DPF3: variants seen among roughly 807,000 people sequenced by gnomAD.
DPF3 encodes the protein double PHD fingers 3.
A neutral mutation model predicts 56.8 loss-of-function variants in DPF3; 18 were observed. The observed-to-expected ratio is 0.32, with a 90% CI of 0.22 to 0.47. The LOEUF is 0.47. DPF3 is among the 20% of genes least tolerant of loss of function. The pLI is 1.00. For synonymous variants in DPF3, 188 were observed against 180.2 expected (o/e 1.04, Z -0.35); for missense variants, 403 against 488.8 (o/e 0.82, Z 1.65).
chr14:72,844,529 G>C (rs1884673826), intron 1 of DPF3, among the ~76,000 whole-genome samples: 1 of 152,094 alleles, frequency 6.6e-6, no homozygotes, highest in South Asian at 2.1e-4. Flanking sequence ...CAGGTGTTCA[G>C]GTTATTAAAA....
Position 72,623,723 on chromosome 14 carries a change from T to A in DPF3, c.985-3739A>T, listed in dbSNP as rs567390793. Among the ~76,000 whole-genome samples, 12 of 152,328 alleles carry A rather than the reference T, an allele frequency of 7.9e-5. No individual in the cohort carries two copies. The East Asian group carries it at 2.3e-3, about 29-fold the overall frequency. On this transcript the variant is annotated intron_variant, in intron 9 of 10. Coordinates refer to ENST00000556509, the MANE Select transcript of DPF3 (RefSeq NM_001280542.3). ...CAGTATAAATTCATGGTGTAGTGTA[T>A]CTTTAAAACAAGCAAAAAATATTTT...
intron 8 of DPF3, among the ~76,000 whole-genome samples, chr14:72,673,566 G>C (rs1233370025): frequency 1.3e-5 from 2 of 152,180 alleles, no homozygotes; most frequent in Non-Finnish European, 2.9e-5. Flanking sequence ...TAAGAATGAA[G>C]GAACAAGACC....
At chr14:72,828,701 G>T (rs12050323) in intron 1 of DPF3, among the ~76,000 whole-genome samples, 6 of 152,148 alleles carry the variant, frequency 3.9e-5, no homozygotes, top group African/African-American at 1.2e-4. Context: ...AAAGACTGAA[G>T]AGGGAGGCTG....
chr14:72,620,372 T>A lies in DPF3; in HGVS notation c.985-388A>T, dbSNP rs539891997. 3.3e-5 allele frequency among the ~76,000 whole-genome samples: 5 copies of A among 152,326 alleles called. No homozygotes were observed. In the East Asian group the frequency reaches 7.7e-4, roughly 23 times the overall value. ...CTCCATGACTTTATATATTTGAAGA[T>A]CTTAATTGAATTCTTCTGGACTCCA... is the stretch of plus-strand genomic sequence containing the variant. On this transcript the variant is annotated intron_variant, in intron 9 of 10. Transcript: ENST00000556509.
chr14:72,697,059 TTATTAG>T (rs1470012686), intron 6 of DPF3, among the ~76,000 whole-genome samples: 48 of 29,522 alleles, frequency 1.6e-3, no homozygotes, highest in African/African-American at 7.9e-3. Context: ...CTTTGTTCAG[TTATTAG>T]CAGTTATTAG....
chr14:72,687,916 T>C (rs1887481423), intron 7 of DPF3, among the ~76,000 whole-genome samples: 1 of 151,876 alleles, frequency 6.6e-6, no homozygotes, highest in Non-Finnish European at 1.5e-5. Flanking sequence ...GGGATGCTAA[T>C]GCCACACTTG....
intron 1 of DPF3, among the ~76,000 whole-genome samples, chr14:72,797,647 C>T (rs1892696168): frequency 6.6e-6 from 1 of 152,160 alleles, no homozygotes; most frequent in East Asian, 1.9e-4. Flanking sequence ...TTGGCTGCTA[C>T]CTAATTTTAA....
intron 8 of DPF3, among the ~76,000 whole-genome samples, chr14:72,652,808 A>C (rs2153568669): frequency 6.6e-6 from 1 of 152,278 alleles, no homozygotes; most frequent in Non-Finnish European, 1.5e-5. Flanking sequence ...TAAATATTAC[A>C]ATCTGAAGGC....
chr14:72,886,304 G>A (rs773859911), intron 1 of DPF3, among the ~76,000 whole-genome samples: 28 of 152,122 alleles, frequency 1.8e-4, no homozygotes, highest in African/African-American at 3.1e-4. Flanking sequence ...CCTGGGAGGC[G>A]GAGGTTGCAG....
intron 1 of DPF3, among the ~76,000 whole-genome samples, chr14:72,809,865 G>A (rs1417355896): frequency 1.3e-5 from 2 of 152,192 alleles, no homozygotes; most frequent in Non-Finnish European, 2.9e-5. Context: ...GCAAGTGCTT[G>A]AGTCCCCTCA....
intron 1 of DPF3, among the ~76,000 whole-genome samples, chr14:72,888,677 C>T (rs1441249108): frequency 6.6e-6 from 1 of 152,202 alleles, no homozygotes; most frequent in African/African-American, 2.4e-5. Context: ...TATTTAAAGA[C>T]TATTTAAAAT....
chr14:72,772,902 A>C (rs1217953244), intron 1 of DPF3, among the ~76,000 whole-genome samples: 1 of 152,174 alleles, frequency 6.6e-6, no homozygotes, highest in Non-Finnish European at 1.5e-5. Context: ...GTGGACGCAA[A>C]GGAGTGGAGT....
intron 5 of DPF3, among the ~76,000 whole-genome samples, chr14:72,719,524 G>A (rs1474532330): frequency 1.3e-5 from 2 of 152,170 alleles, no homozygotes; most frequent in African/African-American, 4.8e-5. Flanking sequence ...CATAAAGTTT[G>A]AGAGGCACCT....
intron 3 of DPF3, among the ~76,000 whole-genome samples, chr14:72,742,241 T>A (rs546663116): frequency 6.6e-6 from 1 of 152,252 alleles, no homozygotes; most frequent in Admixed American, 6.5e-5. Flanking sequence ...AGGAAAGAGA[T>A]AAATGACTGG....
chr14:72,887,089 T>A (rs1375829877), intron 1 of DPF3, among the ~76,000 whole-genome samples: 3 of 150,648 alleles, frequency 2.0e-5, no homozygotes, highest in Non-Finnish European at 4.4e-5. Context: ...GCCAGAGAGA[T>A]CATGGACAAA....
chr14:72,702,860 C>T (rs966758835), intron 6 of DPF3, among the ~76,000 whole-genome samples: 1 of 152,122 alleles, frequency 6.6e-6, no homozygotes, highest in Non-Finnish European at 1.5e-5. Flanking sequence ...GTGGATCCAA[C>T]CCCCAGGTGG....
chr14:72,892,073 G>A, intron 1 of DPF3: 1 of 1,449,162 alleles, frequency 6.9e-7, no homozygotes, highest in Middle Eastern at 2.3e-4. Flanking sequence ...CACAAGCTTA[G>A]AGATACTGCG....
At chr14:72,621,345 C>T (rs1197974166) in intron 9 of DPF3, among the ~76,000 whole-genome samples, 1 of 152,120 alleles carries the variant, frequency 6.6e-6, no homozygotes, top group East Asian at 1.9e-4. Context: ...GGCCCCACCC[C>T]CTAGTTTCAG....
At chr14:72,774,561 G>C (rs961311308) in intron 1 of DPF3, among the ~76,000 whole-genome samples, 6 of 152,044 alleles carry the variant, frequency 3.9e-5, no homozygotes, top group Non-Finnish European at 7.4e-5. Context: ...ATATCTTACT[G>C]TGGGAAAACA....
Sources: allele counts gnomAD v4.1 joint callset (sites outside exome capture counted in the v4.1 genomes callset), GRCh38; gene constraint gnomAD v4.1.1; transcripts MANE v1.5; gene names NCBI Gene and HGNC (gene_info 2026-07-23, HGNC 2026-07-21).